The following TENM1 variants were observed in gnomAD, a reference collection of about 807,000 sequenced individuals.
TENM1 encodes teneurin transmembrane protein 1, also known as teneurin-1.
A neutral mutation model predicts 174.8 loss-of-function variants in TENM1; 35 were observed. That is an observed-to-expected ratio of 0.20 (90% CI 0.15 to 0.27). The LOEUF is 0.27. Ranked by LOEUF, TENM1 falls within the 10% of genes least tolerant of loss-of-function variation. The pLI is 1.00. For synonymous variants in TENM1, 781 were observed against 798.7 expected, an observed-to-expected ratio of 0.98 and a Z score of 0.37; for missense variants, 1,633 against 2,130.1, an observed-to-expected ratio of 0.77 and a Z score of 4.59.
intron 3 of TENM1, among the ~76,000 whole-genome samples, chrX:124,892,728 G>A (rs1180583956): frequency 2.7e-5 from 3 of 111,593 alleles, no homozygotes; most frequent in Admixed American, 9.5e-5. Context: ...CTGCCTCATC[G>A]ATAATCTAAA....
chrX:125,189,396 C>A, the TENM1 span, among the ~76,000 whole-genome samples: 2 of 112,376 alleles, frequency 1.8e-5, no homozygotes, highest in African/African-American at 6.5e-5. Flanking sequence ...GAATGTTTGA[C>A]AGGACCATCA....
At chrX:124,509,506 G>C (rs1483594299) in intron 18 of TENM1, among the ~76,000 whole-genome samples, 2 of 110,800 alleles carry the variant, frequency 1.8e-5, no homozygotes, top group African/African-American at 3.3e-5. Flanking sequence ...GCTATCCTTT[G>C]AAACAATGTG....
chrX:124,483,791 A>G (rs1416127519), intron 21 of TENM1, among the ~76,000 whole-genome samples: 1 of 112,305 alleles, frequency 8.9e-6, no homozygotes, highest in Non-Finnish European at 1.9e-5. Context: ...AGAGACAGAT[A>G]AGTAGACAGG....
At chrX:124,704,974 G>T (rs1328558863) in intron 5 of TENM1, 39 bp downstream of exon 8, 1 of 1,084,414 alleles carries the variant, frequency 9.2e-7, no homozygotes, top group Admixed American at 2.3e-5. Flanking sequence ...ACAAGACTTT[G>T]ATTAAGAACA....
At chrX:124,442,786 C>T (rs1373825187) in intron 23 of TENM1, among the ~76,000 whole-genome samples, 1 of 110,454 alleles carries the variant, frequency 9.1e-6, no homozygotes, top group Non-Finnish European at 1.9e-5. Context: ...CTTAGCCTCC[C>T]GTGTAGCTGG....
rs182505890 is a variant in TENM1, at chrX:124,925,412, C to T, written c.218-29171G>A. 4.5e-4 allele frequency among the ~76,000 whole-genome samples: 50 copies of T among 111,436 alleles called. 1 individual carries two copies. Among genetic ancestry groups the T allele is most frequent in the African/African-American group, 1.6e-3 (48 of 30,756 alleles). On this transcript the variant is annotated intron_variant, in intron 1 of 31. Transcript: ENST00000422452. ...TTCCACATTGGCAGAATTTAACTGC[C>T]ATTATGAATTACTTGTTAATTATGC... is the stretch of plus-strand genomic sequence containing the variant.
intron 1 of TENM1, among the ~76,000 whole-genome samples, chrX:124,926,468 A>AT (rs1355985840): frequency 3.6e-5 from 4 of 111,197 alleles, no homozygotes; most frequent in Non-Finnish European, 3.8e-5. Flanking sequence ...CTGTTTTATT[A>AT]TTTTTTTCAA....
intron 11 of TENM1, among the ~76,000 whole-genome samples, chrX:124,568,298 G>A (rs1033131196): frequency 1.8e-5 from 2 of 111,184 alleles, no homozygotes; most frequent in African/African-American, 3.3e-5. Context: ...CATTTCAGAT[G>A]GAGTTGGACT....
In TENM1 at chrX:124,700,456, T is replaced by G. The variant is rs147702730; in HGVS notation, c.1015+4557A>C. ...ATCTTTATTCAGCTGTGCTAAGCAA[T>G]GTCCTGAGTGTTTTACAAGCTTCAA... On this transcript the variant is annotated intron_variant, in intron 5 of 31. Coordinates refer to ENST00000422452, the Ensembl canonical transcript of TENM1. Among the ~76,000 whole-genome samples, 1,075 of 111,857 alleles carry G rather than the reference T, an allele frequency of 9.6e-3. 12 individuals carry two copies. Among genetic ancestry groups the G allele is most frequent in the African/African-American group, 0.034 (1,038 of 30,898 alleles).
At chrX:124,686,607 T>G (rs756461856) in intron 5 of TENM1, among the ~76,000 whole-genome samples, 5 of 112,026 alleles carry the variant, frequency 4.5e-5, no homozygotes, top group Non-Finnish European at 7.5e-5. Context: ...GATGCAAGGC[T>G]GGTTCAATAT....
intron 23 of TENM1, among the ~76,000 whole-genome samples, chrX:124,435,837 A>G (rs1263601026): frequency 1.8e-5 from 2 of 111,753 alleles, no homozygotes; most frequent in Admixed American, 9.5e-5. Flanking sequence ...AACTCTGGAG[A>G]TCGGCCACCT....
the TENM1 span, among the ~76,000 whole-genome samples, chrX:125,200,654 TGAGA>T: frequency 4.4e-3 from 404 of 92,400 alleles, 1 homozygote; most frequent in African/African-American, 0.014. Flanking sequence ...TGTGTGTGTG[TGAGA>T]GAGAGAGAGA....
chrX:124,955,078 A>G (rs116585645), intron 1 of TENM1, among the ~76,000 whole-genome samples: 8,048 of 111,848 alleles, frequency 0.072, 670 homozygotes, highest in African/African-American at 0.24. Flanking sequence ...ATCCAGAAAC[A>G]TTCTCCAGTT....
chrX:124,736,956 C>T lies in TENM1; in HGVS notation c.776+1G>A. On this transcript the variant is annotated splice_donor_variant, in intron 4 of 31. Transcript: ENST00000422452. LOFTEE classifies it high-confidence loss of function. The stretch of plus-strand genomic sequence containing the variant: ...AGTGGGATCAATAATAGCTCAAGTA[C>T]CTGGTCTCCAATGGTATGTTGCTGT... 1 of 1,202,964 alleles carries T rather than the reference C, an allele frequency of 8.3e-7. No homozygotes were observed. The highest frequency in any genetic ancestry group is 1.1e-6 in the Non-Finnish European group (1 of 891,132).
At chrX:124,808,060 T>C (rs1328302498) in intron 3 of TENM1, among the ~76,000 whole-genome samples, 2 of 111,494 alleles carry the variant, frequency 1.8e-5, no homozygotes, top group Admixed American at 9.6e-5. Context: ...AAAAACAACA[T>C]TCAGCTATAT....
At chrX:124,713,271 A>T (rs751015761) in intron 4 of TENM1, among the ~76,000 whole-genome samples, 5 of 104,576 alleles carry the variant, frequency 4.8e-5, no homozygotes, top group East Asian at 3.0e-4. Context: ...TGCAAAAAAA[A>T]TTTTTTTTTT....
intron 1 of TENM1, among the ~76,000 whole-genome samples, chrX:124,927,925 G>T (rs1156608252): frequency 8.9e-6 from 1 of 111,925 alleles, no homozygotes; most frequent in Non-Finnish European, 1.9e-5. Context: ...CATTGAGGCT[G>T]TAGCTTTCCT....
chrX:124,424,473 A>G (rs1376587753), intron 23 of TENM1, among the ~76,000 whole-genome samples: 1 of 112,098 alleles, frequency 8.9e-6, no homozygotes, highest in Non-Finnish European at 1.9e-5. Flanking sequence ...ACCTCTGGCT[A>G]TCCCTGTCCA....
At chrX:124,951,521 T>TGCAAAGGGTTA (rs2058483233) in intron 1 of TENM1, among the ~76,000 whole-genome samples, 2 of 108,749 alleles carry the variant, frequency 1.8e-5, no homozygotes, top group Non-Finnish European at 3.8e-5. Context: ...TCTTGTTAAC[T>TGCAAAGGGTTA]GCAAAGGGTT....
Sources: gnomAD v4.1 joint callset for allele counts (sites outside exome capture counted in the v4.1 genomes callset) on GRCh38, gnomAD v4.1.1 for gene constraint, MANE v1.5 for transcripts, NCBI Gene and HGNC (gene_info 2026-07-23, HGNC 2026-07-21) for gene names.